Variants in EXTL3 observed in about 807,000 individuals in gnomAD.
EXTL3 encodes the protein exostosin like glycosyltransferase 3.
In EXTL3, 27 loss-of-function variants were observed where a neutral mutation model predicts 69.3. The ratio of observed to expected loss-of-function variants is 0.39; its 90% CI spans 0.29 to 0.54. EXTL3 has a LOEUF of 0.54. Ranked by LOEUF, EXTL3 falls within the 20% of genes least tolerant of loss-of-function variation. The pLI, the probability that EXTL3 is intolerant of heterozygous loss-of-function variation, is 0.69. For synonymous variants in EXTL3, 511 were observed against 499.4 expected (o/e 1.02, Z -0.31); for missense variants, 1,003 against 1,231.8 (o/e 0.81, Z 2.78).
rs772342569 is a variant in EXTL3 at position 28,716,272 on chromosome 8, C to T, written c.213C>T (p.Asn71=). ...GGATTTTTGGTCCCCGGGTGGGGAA[C>T]GAGCTGTGCGAGGTGAAGCACGTGC... ...GKRIFGPRVG[N]ELCEVKHVLD... The change falls in exon 3 of 7, where the codon AAC becomes AAT. Residue 71 remains asparagine (N), a synonymous_variant. Coordinates refer to ENST00000220562, the MANE Select transcript of EXTL3 (RefSeq NM_001440.4). The surrounding 1 kb of genome is among the most constrained non-coding windows in gnomAD (Gnocchi z 7.1). The T allele has an allele frequency of 3.0e-5, 48 of 1,614,248 alleles. No individual in the cohort carries two copies. Among genetic ancestry groups the T allele is most frequent in the Admixed American group, 6.7e-5 (4 of 60,032 alleles).
At chr8:28,731,185 C>T in intron 3 of EXTL3, 38 bp from the exon 4 acceptor site, 2 of 1,613,904 alleles carry the variant, frequency 1.2e-6, no homozygotes, top group East Asian at 2.2e-5. Context: ...TTTCATAACA[C>T]AGCCTTAATT....
rs1293360148 is a variant in EXTL3, at chr8:28,623,411, T to C, written c.-53+601T>C. ...GACTTTAATTTGGGATCCCACAATT[T>C]GAGCTTTTCAAAAGTTAAGTTTGGC... On this transcript the variant is annotated intron_variant, in intron 1 of 6. Coordinates refer to the EXTL3 transcript ENST00000523149. The surrounding 1 kb of genome is among the most constrained non-coding windows in gnomAD (Gnocchi z 4.2). 6.6e-6 allele frequency among the ~76,000 whole-genome samples: 1 copy of C among 152,170 alleles called. No individual in the cohort carries two copies. Among genetic ancestry groups the C allele is most frequent in the African/African-American group, 2.4e-5 (1 of 41,434 alleles).
chr8:28,736,511 C>T (rs1801655242), intron 4 of EXTL3, among the ~76,000 whole-genome samples: 1 of 152,230 alleles, frequency 6.6e-6, no homozygotes, highest in Non-Finnish European at 1.5e-5. Flanking sequence ...GAAGTTTCTA[C>T]TGAAACATAC....
intron 1 of EXTL3, among the ~76,000 whole-genome samples, chr8:28,702,384 A>T (rs190201331): frequency 6.6e-6 from 1 of 152,270 alleles, no homozygotes; most frequent in Non-Finnish European, 1.5e-5. Context: ...CGGAGCTCCG[A>T]GCCCAGCGAC....
At chr8:28,696,361 C>G (rs904002249) in intron 1 of EXTL3, 3 of 152,184 alleles carry the variant, frequency 2.0e-5, no homozygotes, top group African/African-American at 7.2e-5. Context: ...CCCTTTTGTT[C>G]CCCTTACTTA....
chr8:28,610,233 G>GTGTGTGTGTGTGTA (rs1400310169), intron 2 of EXTL3, among the ~76,000 whole-genome samples: 1 of 152,034 alleles, frequency 6.6e-6, no homozygotes, highest in African/African-American at 2.4e-5. Flanking sequence ...GTGTGTGTGT[G>GTGTGTGTGTGTGTA]TGTGTTTGTG....
intron 1 of EXTL3, among the ~76,000 whole-genome samples, chr8:28,626,208 ATGG>A (rs1459107469): frequency 6.6e-6 from 1 of 151,878 alleles, no homozygotes; most frequent in Non-Finnish European, 1.5e-5. Flanking sequence ...AATTTTTTAA[ATGG>A]TGGAGATAAA....
chr8:28,626,587 C>T (rs1043413438), intron 1 of EXTL3, among the ~76,000 whole-genome samples: 6 of 152,138 alleles, frequency 3.9e-5, no homozygotes, highest in South Asian at 2.1e-4. Context: ...GATTAATAGG[C>T]GCATTCTGTA....
chr8:28,716,239 A>G lies in EXTL3; in HGVS notation c.180A>G (p.Ala60=). The change falls in exon 3 of 7, where the codon GCA becomes GCG. Residue 60 remains alanine (A), a synonymous_variant. Transcript: ENST00000220562. This position sits in a 1 kb window ranked among gnomAD's most constrained non-coding sequence, Gnocchi z 7.1. ...YLTTLDEADE[A]GKRIFGPRVG... The stretch of plus-strand genomic sequence containing the variant: ...CCACTCTGGATGAGGCTGATGAGGC[A>G]GGCAAGCGGATTTTTGGTCCCCGGG... The G allele has an allele frequency of 6.2e-7, 1 of 1,614,210 alleles. No individual in the cohort carries two copies. Among genetic ancestry groups the G allele is most frequent in the Non-Finnish European group, 8.5e-7 (1 of 1,180,042 alleles).
chr8:28,736,490 G>A (rs968705479), intron 4 of EXTL3, among the ~76,000 whole-genome samples: 1 of 152,158 alleles, frequency 6.6e-6, no homozygotes, highest in Non-Finnish European at 1.5e-5. Flanking sequence ...TATAAATTTG[G>A]AGATGATATA....
chr8:28,652,414 T>G lies in EXTL3; in HGVS notation c.-53+29604T>G, dbSNP rs10087101. Among the ~76,000 whole-genome samples the G allele has an allele frequency of 5.4e-3, 827 of 152,222 alleles. 7 individuals are homozygous for G. The highest frequency in any genetic ancestry group is 0.019 in the African/African-American group (788 of 41,524). Reference sequence around the variant, plus strand: ...GCTCATGCCTGTAAACCCAGCATTTTTGGAGGCCAAGGTGGGAGGATTGCT... The same window carrying G: ...GCTCATGCCTGTAAACCCAGCATTTGTGGAGGCCAAGGTGGGAGGATTGCT... On this transcript the variant is annotated intron_variant, in intron 1 of 6. Coordinates refer to the EXTL3 transcript ENST00000523149.
At chr8:28,621,642 T>C (rs1202808116), upstream of EXTL3, among the ~76,000 whole-genome samples, 1 of 152,234 alleles carries the variant, frequency 6.6e-6, no homozygotes, top group East Asian at 1.9e-4. Flanking sequence ...TCACTTTTTA[T>C]AATTATTACT....
chr8:28,611,750 T>C (rs1327756192), intron 2 of EXTL3, among the ~76,000 whole-genome samples: 4 of 152,190 alleles, frequency 2.6e-5, no homozygotes, highest in Admixed American at 1.3e-4. Context: ...AGTGCCTTCC[T>C]TTCCTTAGCT....
chr8:28,629,310 AG>A (rs1376495575), intron 1 of EXTL3, among the ~76,000 whole-genome samples: 3 of 152,198 alleles, frequency 2.0e-5, no homozygotes. Context: ...GCACATTCAT[AG>A]GACTACCATG....
chr8:28,703,940 G>A (rs1800865950), intron 1 of EXTL3, among the ~76,000 whole-genome samples: 1 of 152,194 alleles, frequency 6.6e-6, no homozygotes, highest in Admixed American at 6.5e-5. Context: ...TTCACGTTTG[G>A]AGGTTTCATG....
chr8:28,716,791 G>C lies in EXTL3; in HGVS notation c.732G>C (p.Glu244Asp). Residue 244 changes from glutamate to aspartate, a missense_variant, in exon 3 of 7, where the codon GAG becomes GAC. This residue lies in a region of EXTL3 where 742 missense variants were observed against 815.4 expected (regional missense o/e 0.91). Transcript: ENST00000220562. The surrounding 1 kb of genome is among the most constrained non-coding windows in gnomAD (Gnocchi z 7.1). ...GCCTTTACGTGATACTAGTGGGAGA[G>C]ATGCAGGAGCCGGTGGTGCTGCGGC... ...IACLYVILVG[E>D]MQEPVVLRPA... The C allele has an allele frequency of 6.2e-7, 1 of 1,614,272 alleles. No individual in the cohort carries two copies. The highest frequency in any genetic ancestry group is 8.5e-7 in the Non-Finnish European group (1 of 1,180,050).
chr8:28,748,244 G>A (rs755812998), intron 6 of EXTL3, among the ~76,000 whole-genome samples: 21 of 151,970 alleles, frequency 1.4e-4, no homozygotes, highest in Non-Finnish European at 2.5e-4. Context: ...GGTGGCAGGC[G>A]CCTGTAGTCC....
chr8:28,686,818 T>G (rs758581965), intron 1 of EXTL3, among the ~76,000 whole-genome samples: 3 of 152,204 alleles, frequency 2.0e-5, no homozygotes, highest in Non-Finnish European at 2.9e-5. Context: ...TGTTGAGTGC[T>G]TACTGTGTGC....
chr8:28,640,574 ACACTTTTATTAG>A (rs1240443666), intron 1 of EXTL3, among the ~76,000 whole-genome samples: 1 of 152,142 alleles, frequency 6.6e-6, no homozygotes, highest in Non-Finnish European at 1.5e-5. Flanking sequence ...CATGGTATTA[ACACTTTTATTAG>A]CACTTTTATG....
Sources: gnomAD v4.1 joint callset for allele counts (sites outside exome capture counted in the v4.1 genomes callset) on GRCh38, gnomAD v4.1.1 for gene constraint, gnomAD v4.1.1 regional missense constraint, Gnocchi (gnomAD v3.1) non-coding constraint, MANE v1.5 for transcripts, NCBI Gene and HGNC (gene_info 2026-07-23, HGNC 2026-07-21) for gene names.